LINGO2: variants seen among roughly 807,000 people sequenced by gnomAD.
LINGO2 encodes the protein leucine rich repeat and Ig domain containing 2, also known as leucine-rich repeat and immunoglobulin-like domain-containing nogo receptor-interacting protein 2.
In LINGO2, 14 loss-of-function variants were observed where a neutral mutation model predicts 30.6. The ratio of observed to expected loss-of-function variants is 0.46; its 90% confidence interval spans 0.30 to 0.72. LINGO2 has a LOEUF of 0.72. Ranked by LOEUF, LINGO2 falls within the 30% of genes least tolerant of loss-of-function variation. The pLI is 0.07. For synonymous variants in LINGO2, 317 were observed against 288.5 expected (o/e 1.10, Z -1.00); for missense variants, 729 against 751.7 (o/e 0.97, Z 0.35).
the LINGO2 span, among the ~76,000 whole-genome samples, chr9:28,867,246 A>G: frequency 1.5e-4 from 23 of 152,184 alleles, no homozygotes; most frequent in Admixed American, 1.4e-3. Flanking sequence ...TAGTAGAGCA[A>G]GTAAAATAAT....
chr9:28,750,534 AACTGCTTTACC>A, the LINGO2 span, among the ~76,000 whole-genome samples: 3 of 152,238 alleles, frequency 2.0e-5, no homozygotes, highest in East Asian at 5.8e-4. Flanking sequence ...AAATCTTCAG[AACTGCTTTACC>A]ACTTGCCAAC....
At chr9:28,830,426 C>T in the LINGO2 span, among the ~76,000 whole-genome samples, 3 of 152,066 alleles carry the variant, frequency 2.0e-5, no homozygotes, top group Non-Finnish European at 4.4e-5. Flanking sequence ...TGGGTTTTAT[C>T]TTACAGCAAA....
the LINGO2 span, among the ~76,000 whole-genome samples, chr9:29,033,753 C>G: frequency 6.6e-6 from 1 of 151,824 alleles, no homozygotes; most frequent in Admixed American, 6.6e-5. Context: ...AATGTTATTA[C>G]TCTAAAATTC....
intron 4 of LINGO2, among the ~76,000 whole-genome samples, chr9:28,217,174 T>C (rs925605862): frequency 6.6e-6 from 1 of 150,992 alleles, no homozygotes; most frequent in Non-Finnish European, 1.5e-5. Context: ...ATATACTATA[T>C]GTGAATTGAT....
intron 4 of LINGO2, among the ~76,000 whole-genome samples, chr9:28,056,229 C>T (rs190661011): frequency 1.3e-5 from 2 of 152,160 alleles, no homozygotes; most frequent in East Asian, 3.9e-4. Flanking sequence ...TTCAGATGTG[C>T]CTAATGGCAA....
intron 1 of LINGO2, among the ~76,000 whole-genome samples, chr9:28,496,113 G>C (rs940950544): frequency 6.9e-6 from 1 of 145,186 alleles, no homozygotes; most frequent in Admixed American, 7.1e-5. Flanking sequence ...GTGTGATGTG[G>C]TTCTGAGAAG....
At chr9:28,473,721 A>G (rs1241348445) in intron 2 of LINGO2, among the ~76,000 whole-genome samples, 1 of 152,094 alleles carries the variant, frequency 6.6e-6, no homozygotes, top group Non-Finnish European at 1.5e-5. Flanking sequence ...GTCTCTCTAC[A>G]TTACTTAAGG....
At chr9:29,083,644 GA>G in the LINGO2 span, among the ~76,000 whole-genome samples, 93 of 140,564 alleles carry the variant, frequency 6.6e-4, no homozygotes, top group East Asian at 9.0e-3. Flanking sequence ...CTACAGAAAT[GA>G]AAAAAAAAAT....
chr9:28,037,080 A>G (rs1246617027), intron 4 of LINGO2, among the ~76,000 whole-genome samples: 1 of 152,140 alleles, frequency 6.6e-6, no homozygotes, highest in Non-Finnish European at 1.5e-5. Context: ...ATGAATTCCT[A>G]TTTCTAAGGA....
intron 4 of LINGO2, among the ~76,000 whole-genome samples, chr9:28,194,610 C>A (rs150016862): frequency 1.5e-3 from 209 of 142,294 alleles, no homozygotes; most frequent in East Asian, 0.01. Flanking sequence ...CAAGGAAAAG[C>A]TTTCAAAATG....
chr9:28,376,302 A>G (rs1401050369), intron 2 of LINGO2, among the ~76,000 whole-genome samples: 1 of 152,172 alleles, frequency 6.6e-6, no homozygotes. Context: ...AGAGATATTA[A>G]GTATCTATTG....
intron 1 of LINGO2, among the ~76,000 whole-genome samples, chr9:28,495,747 T>A (rs1819589140): frequency 6.6e-6 from 1 of 152,214 alleles, no homozygotes; most frequent in East Asian, 1.9e-4. Flanking sequence ...TTAATTGCGA[T>A]GTTAGGGTTT....
intron 4 of LINGO2, among the ~76,000 whole-genome samples, chr9:28,165,505 G>A (rs915728984): frequency 5.9e-5 from 9 of 152,080 alleles, no homozygotes; most frequent in East Asian, 1.9e-4. Context: ...AATTGTCCTC[G>A]TGGATTGCAA....
chr9:28,935,972 A>G, the LINGO2 span, among the ~76,000 whole-genome samples: 1 of 152,186 alleles, frequency 6.6e-6, no homozygotes, highest in Non-Finnish European at 1.5e-5. Context: ...ATAGAGTCAT[A>G]TTAGAGAAAA....
the LINGO2 span, among the ~76,000 whole-genome samples, chr9:29,208,984 T>A: frequency 5.9e-5 from 9 of 152,298 alleles, no homozygotes; most frequent in South Asian, 4.1e-4. Context: ...ATCCTTTTTT[T>A]AAAAAGTAAC....
At chr9:28,984,486 A>T in the LINGO2 span, among the ~76,000 whole-genome samples, 1 of 152,072 alleles carries the variant, frequency 6.6e-6, no homozygotes, top group African/African-American at 2.4e-5. Flanking sequence ...ATACAAAATA[A>T]CAATTATTTG....
chr9:28,267,590 C>T (rs1822797286), intron 4 of LINGO2, among the ~76,000 whole-genome samples: 2 of 152,140 alleles, frequency 1.3e-5, no homozygotes, highest in Non-Finnish European at 1.5e-5. Flanking sequence ...GCCTTTGCTG[C>T]TACCAATCTG....
chr9:28,220,095 T>C (rs1227080284), intron 4 of LINGO2, among the ~76,000 whole-genome samples: 1 of 152,184 alleles, frequency 6.6e-6, no homozygotes, highest in Non-Finnish European at 1.5e-5. Context: ...AGGTATTATA[T>C]GTAATCTAGA....
chr9:29,004,387 C>T, the LINGO2 span, among the ~76,000 whole-genome samples: 2 of 151,884 alleles, frequency 1.3e-5, no homozygotes, highest in Non-Finnish European at 2.9e-5. Context: ...CTTCCATGAA[C>T]ACAATTATCA....
Sources: allele counts gnomAD v4.1 joint callset (sites outside exome capture counted in the v4.1 genomes callset), GRCh38; gene constraint gnomAD v4.1.1; transcripts MANE v1.5; gene names NCBI Gene and HGNC (gene_info 2026-07-23, HGNC 2026-07-21).